Variants in FAM204A observed in about 807,000 individuals in gnomAD.
FAM204A encodes family with sequence similarity 204 member A.
In FAM204A, 16 loss-of-function variants were observed where a neutral mutation model predicts 35.4. The observed-to-expected ratio is 0.45, with a 90% CI of 0.31 to 0.69. The LOEUF (loss-of-function observed/expected upper bound fraction) is 0.69. FAM204A is among the 30% of genes least tolerant of loss of function. FAM204A has a pLI of 0.07. For missense variants in FAM204A, 240 were observed against 265.7 expected, an observed-to-expected ratio of 0.90 and a Z score of 0.67; for synonymous variants, 76 against 86.9, an observed-to-expected ratio of 0.88 and a Z score of 0.70.
rs548286950 is a variant in FAM204A, at chr10:118,342,280, G to C, written c.-220C>G. On this transcript the variant is annotated 5_prime_UTR_variant, in exon 1 of 9. Coordinates refer to ENST00000369183, the MANE Select transcript of FAM204A (RefSeq NM_022063.3). ...ATAAGCCGTACTCACCTGTCAGGAAGTGGTCGCCCAGCAGCCATCTTAGGA... is the reference window on the plus strand; with the variant it reads ...ATAAGCCGTACTCACCTGTCAGGAACTGGTCGCCCAGCAGCCATCTTAGGA... The C allele has an allele frequency of 3.0e-4, 46 of 152,596 alleles. No homozygotes were observed. Among genetic ancestry groups the C allele is most frequent in the African/African-American group, 9.9e-4 (41 of 41,600 alleles). The allele number at this position is 152,596 out of a possible 1,614,324, so 9.5% of individuals were successfully genotyped here.
rs1476088788 is a variant in FAM204A, at chr10:118,299,616, A to T, written c.*11241T>A. ...GGCTAGTCTTGAACTCCTAGGCTCA[A>T]GCAGCTCTCCCTCCTCGGCCTCCCA... On this transcript the variant is annotated 3_prime_UTR_variant, in exon 9 of 9. Coordinates refer to ENST00000369183, the MANE Select transcript of FAM204A (RefSeq NM_022063.3). 6.6e-6 allele frequency: 1 copy of T among 152,112 alleles called. No individual in the cohort carries two copies. Among genetic ancestry groups the T allele is most frequent in the East Asian group, 1.9e-4 (1 of 5,178 alleles). The allele number at this position is 152,112 out of a possible 1,614,324, so 9.4% of individuals were successfully genotyped here. A position where few individuals can be genotyped will look rare whatever the true frequency, so the allele number is the denominator to read the frequency against.
At chr10:118,341,494 C>T (rs1242396477) in intron 2 of FAM204A, among the ~76,000 whole-genome samples, 4 of 152,084 alleles carry the variant, frequency 2.6e-5, no homozygotes. Flanking sequence ...TGTTCCTTTT[C>T]TCAAAAAAGG....
At chr10:118,336,737 T>C (rs918555733) in intron 2 of FAM204A, among the ~76,000 whole-genome samples, 1 of 152,128 alleles carries the variant, frequency 6.6e-6, no homozygotes, top group South Asian at 2.1e-4. Context: ...AAAAAAAACA[T>C]GAAATTCAGT....
Position 118,303,426 on chromosome 10 carries a change from A to G in FAM204A, c.*7431T>C, listed in dbSNP as rs1227240865. On this transcript the variant is annotated 3_prime_UTR_variant, in exon 9 of 9. Transcript: ENST00000369183. ...AATAGTTTAACTGGAAGGACCAGGTATGTATCCTCCACCCCTTCCATCCAT... is the reference window on the plus strand; with the variant it reads ...AATAGTTTAACTGGAAGGACCAGGTGTGTATCCTCCACCCCTTCCATCCAT... The G allele has an allele frequency of 6.6e-6, 1 of 152,270 alleles. No individual in the cohort carries two copies. Among genetic ancestry groups the G allele is most frequent in the Non-Finnish European group, 1.5e-5 (1 of 68,080 alleles). The allele number at this position is 152,270 out of a possible 1,614,324, so 9.4% of individuals were successfully genotyped here.
In FAM204A at chr10:118,308,176, T is replaced by C. The variant is rs1845895316; in HGVS notation, c.*2681A>G. The stretch of plus-strand genomic sequence containing the variant: ...AGTAAGATGTTTTAGCCTAAAGTAC[T>C]TAAATAGTAAATCATAGTTACATTA... On this transcript the variant is annotated 3_prime_UTR_variant, in exon 9 of 9. Coordinates refer to ENST00000369183, the MANE Select transcript of FAM204A (RefSeq NM_022063.3). The C allele has an allele frequency of 6.6e-6, 1 of 152,220 alleles. No homozygotes were observed. Among genetic ancestry groups the C allele is most frequent in the Non-Finnish European group, 1.5e-5 (1 of 68,030 alleles). The allele number at this position is 152,220 out of a possible 1,614,324, so 9.4% of individuals were successfully genotyped here.
intron 6 of FAM204A, among the ~76,000 whole-genome samples, chr10:118,329,572 ACCCT>A (rs1846256736): frequency 6.6e-6 from 1 of 151,278 alleles, no homozygotes; most frequent in South Asian, 2.1e-4. Context: ...TGACCCCATC[ACCCT>A]CCCCAAACCC....
chr10:118,340,547 T>C (rs971351456), intron 2 of FAM204A, among the ~76,000 whole-genome samples: 1 of 152,234 alleles, frequency 6.6e-6, no homozygotes, highest in Non-Finnish European at 1.5e-5. Flanking sequence ...TCTCTAGCAC[T>C]GCAATCCTGA....
chr10:118,330,811 C>T (rs1188086456), intron 6 of FAM204A, among the ~76,000 whole-genome samples: 1 of 152,162 alleles, frequency 6.6e-6, no homozygotes, highest in Non-Finnish European at 1.5e-5. Flanking sequence ...GCACAGCTGG[C>T]AGGATCAGAC....
intron 4 of FAM204A, 35 bp from the exon 5 acceptor site, chr10:118,335,461 T>C: frequency 6.3e-7 from 1 of 1,596,004 alleles, no homozygotes. Flanking sequence ...ATACCTAACT[T>C]CAGTAATTTC....
chr10:118,310,782 A>G lies in FAM204A; in HGVS notation c.*75T>C. ...TTTAGTGCTATCAATTTTCTGACAT[A>G]TTAACATAGGCAGGAAAACATTCTC... On this transcript the variant is annotated 3_prime_UTR_variant, in exon 9 of 9. Coordinates refer to ENST00000369183, the MANE Select transcript of FAM204A (RefSeq NM_022063.3). 7.8e-7 allele frequency: 1 copy of G among 1,279,776 alleles called. No individual in the cohort carries two copies. Among genetic ancestry groups the G allele is most frequent in the East Asian group, 2.4e-5 (1 of 42,454 alleles). The allele number at this position is 1,279,776 out of a possible 1,614,324, so 79.3% of individuals were successfully genotyped here.
chr10:118,311,397 C>G, intron 7 of FAM204A, 84 bp from the exon 8 acceptor site: 2 of 1,087,764 alleles, frequency 1.8e-6, no homozygotes, highest in Non-Finnish European at 1.3e-6. Context: ...TAATTGAGAA[C>G]TTGTGGGTAA....
intron 7 of FAM204A, among the ~76,000 whole-genome samples, chr10:118,320,837 G>C (rs926528424): frequency 6.6e-6 from 1 of 151,172 alleles, no homozygotes; most frequent in Non-Finnish European, 1.5e-5. Flanking sequence ...TGTTCTTGCT[G>C]TATCACAACA....
At chr10:118,337,178 T>C (rs1368881661) in intron 2 of FAM204A, 2 of 921,136 alleles carry the variant, frequency 2.2e-6, no homozygotes, top group Non-Finnish European at 2.6e-6. Context: ...TGACTTAAAA[T>C]AGCAGAATTG....
At position 118,304,693 on chromosome 10, in the gene FAM204A, C is replaced by A. The variant is rs979647740; in HGVS notation, c.*6164G>T. On this transcript the variant is annotated 3_prime_UTR_variant, in exon 9 of 9. Coordinates refer to ENST00000369183, the MANE Select transcript of FAM204A (RefSeq NM_022063.3). ...CATAATAAGCACTGCCTTTGCCTCA[C>A]TGACTGAGCATGCAATGCTCTTTCA... is the stretch of plus-strand genomic sequence containing the variant. The A allele has an allele frequency of 6.6e-6, 1 of 152,284 alleles. No individual in the cohort carries two copies. Among genetic ancestry groups the A allele is most frequent in the African/African-American group, 2.4e-5 (1 of 41,468 alleles). 9.4% of individuals were successfully genotyped at this position (152,284 alleles called of 1,614,324 possible).
chr10:118,335,147 A>G lies in FAM204A; in HGVS notation c.420T>C (p.Phe140=). ...CTTTTTTCCTTTTAACAGGCGGGTCAAATCTATCATTGACTCCAAAATACT... is the reference window on the plus strand; with the variant it reads ...CTTTTTTCCTTTTAACAGGCGGGTCGAATCTATCATTGACTCCAAAATACT... ...LTQYFGVNDR[F]DPPVKRKKVE... Residue 140 remains phenylalanine (F), a synonymous_variant, in exon 6 of 9, where the codon TTT becomes TTC. Transcript: ENST00000369183. The G allele has an allele frequency of 6.2e-7, 1 of 1,613,510 alleles. No homozygotes were observed. Among genetic ancestry groups the G allele is most frequent in the Non-Finnish European group, 8.5e-7 (1 of 1,179,732 alleles).
Position 118,300,737 on chromosome 10 carries a change from T to A in FAM204A, c.*10120A>T, listed in dbSNP as rs1845800153. Reference sequence around the variant, plus strand: ...AATCCAGGGACATACTGAGTTGGGGTTTGGTGGTTCCAAGGAAAGCAGCTT... The same window carrying A: ...AATCCAGGGACATACTGAGTTGGGGATTGGTGGTTCCAAGGAAAGCAGCTT... On this transcript the variant is annotated 3_prime_UTR_variant, in exon 9 of 9. Coordinates refer to ENST00000369183, the MANE Select transcript of FAM204A (RefSeq NM_022063.3). 6.6e-6 allele frequency: 1 copy of A among 152,098 alleles called. No homozygotes were observed. The allele number at this position is 152,098 out of a possible 1,614,324, so 9.4% of individuals were successfully genotyped here. A position where few individuals can be genotyped will look rare whatever the true frequency, so the allele number is the denominator to read the frequency against.
intron 7 of FAM204A, among the ~76,000 whole-genome samples, chr10:118,322,624 T>C (rs988965169): frequency 1.3e-5 from 2 of 152,084 alleles, no homozygotes; most frequent in Non-Finnish European, 2.9e-5. Flanking sequence ...TTTCTTTTGC[T>C]ATAAAGGGAA....
At chr10:118,331,843 T>TTATATATATATA (rs55733401) in intron 6 of FAM204A, among the ~76,000 whole-genome samples, 32 of 142,430 alleles carry the variant, frequency 2.2e-4, no homozygotes, top group African/African-American at 7.7e-4. Flanking sequence ...TTTGTTACCT[T>TTATATATATATA]TATATATATA....
At position 118,302,449 on chromosome 10, in the gene FAM204A, T is replaced by G. The variant is rs1845817936; in HGVS notation, c.*8408A>C. 1 of 152,252 alleles carries G rather than the reference T, an allele frequency of 6.6e-6. No individual in the cohort carries two copies. Among genetic ancestry groups the G allele is most frequent in the Non-Finnish European group, 1.5e-5 (1 of 68,046 alleles). 9.4% of individuals were successfully genotyped at this position (152,252 alleles called of 1,614,324 possible). Reference sequence around the variant, plus strand: ...TGGAGCTGCATGAGTTACAAGGTTTTTAACTGCAAGAATTGTTGGAGCCAC... The same window carrying G: ...TGGAGCTGCATGAGTTACAAGGTTTGTAACTGCAAGAATTGTTGGAGCCAC... On this transcript the variant is annotated 3_prime_UTR_variant, in exon 9 of 9. Coordinates refer to ENST00000369183, the MANE Select transcript of FAM204A (RefSeq NM_022063.3).
Sources: gnomAD v4.1 joint callset for allele counts (sites outside exome capture counted in the v4.1 genomes callset) on GRCh38, gnomAD v4.1.1 for gene constraint, MANE v1.5 for transcripts, NCBI Gene and HGNC (gene_info 2026-07-23, HGNC 2026-07-21) for gene names.